Variants in FAM135B observed in about 807,000 individuals in gnomAD.
FAM135B encodes family with sequence similarity 135 member B.
In FAM135B, 43 loss-of-function variants were observed where a neutral mutation model predicts 127.7. The ratio of observed to expected loss-of-function variants is 0.34; its 90% CI spans 0.26 to 0.43. FAM135B has a LOEUF of 0.43. FAM135B is among the 20% of genes least tolerant of loss of function. The pLI is 1.00. For synonymous variants in FAM135B, 670 were observed against 665.1 expected (o/e 1.01, Z -0.11); for missense variants, 1,558 against 1,725.6 (o/e 0.90, Z 1.72).
chr8:138,463,192 G>T (rs1362251716), intron 1 of FAM135B, among the ~76,000 whole-genome samples: 1 of 152,150 alleles, frequency 6.6e-6, no homozygotes, highest in Non-Finnish European at 1.5e-5. Context: ...TAAGCAGGTT[G>T]GAGGAAAGAG....
chr8:138,227,665 A>T (rs1819564387), intron 7 of FAM135B, among the ~76,000 whole-genome samples: 1 of 149,908 alleles, frequency 6.7e-6, no homozygotes, highest in Non-Finnish European at 1.5e-5. Context: ...CACATCCATC[A>T]CATCTAGAAG....
intron 2 of FAM135B, among the ~76,000 whole-genome samples, chr8:138,338,864 T>C (rs963942887): frequency 6.6e-6 from 1 of 152,142 alleles, no homozygotes. Flanking sequence ...CCAACCCAAA[T>C]GTCCAACAAT....
intron 8 of FAM135B, among the ~76,000 whole-genome samples, chr8:138,197,072 CAT>C (rs1263427280): frequency 8.9e-5 from 11 of 123,174 alleles, no homozygotes; most frequent in East Asian, 2.1e-4. Flanking sequence ...TATATGTATG[CAT>C]ATGTGTGTGT....
intron 1 of FAM135B, among the ~76,000 whole-genome samples, chr8:138,411,442 G>A (rs1833858753): frequency 6.6e-6 from 1 of 152,062 alleles, no homozygotes; most frequent in Non-Finnish European, 1.5e-5. Flanking sequence ...TATGTAGAAA[G>A]CTGAAACTGG....
At chr8:138,360,317 A>G (rs904939110) in intron 2 of FAM135B, among the ~76,000 whole-genome samples, 5 of 152,244 alleles carry the variant, frequency 3.3e-5, no homozygotes, top group African/African-American at 9.6e-5. Context: ...TGATTAACAA[A>G]TATCTATGTA....
chr8:138,455,352 C>G (rs889324256), intron 1 of FAM135B, among the ~76,000 whole-genome samples: 1 of 152,136 alleles, frequency 6.6e-6, no homozygotes, highest in African/African-American at 2.4e-5. Flanking sequence ...CCAAATTAAC[C>G]AGGGTTTCAT....
intron 2 of FAM135B, among the ~76,000 whole-genome samples, chr8:138,339,354 ACTAAATATATAT>A (rs1449786133): frequency 6.7e-5 from 2 of 29,828 alleles, no homozygotes; most frequent in East Asian, 9.0e-4. Flanking sequence ...TAAAAAACTA[ACTAAATATATAT>A]ATATATATAT....
At position 138,132,837 on chromosome 8, in the gene FAM135B, A is replaced by T; in HGVS notation, c.4016-39T>A. The T allele has an allele frequency of 6.3e-7, 1 of 1,582,916 alleles. No homozygotes were observed. Among genetic ancestry groups the T allele is most frequent in the Non-Finnish European group, 8.7e-7 (1 of 1,152,450 alleles). ...AAGAAGGACATGAAGCTGGTGCAGA[A>T]ATTAGCAGTGGAATCTAGAGAACAT... On this transcript the variant is annotated intron_variant, in intron 19 of 19. Transcript: ENST00000395297. The surrounding 1 kb of genome is among the most constrained non-coding windows in gnomAD (Gnocchi z 4.5).
chr8:138,132,437 A>G lies in FAM135B; in HGVS notation c.*156T>C. 1 of 651,942 alleles carries G rather than the reference A, an allele frequency of 1.5e-6. No homozygotes were observed. The highest frequency in any genetic ancestry group is 2.7e-6 in the Non-Finnish European group (1 of 372,062). The allele number at this position is 651,942 out of a possible 1,614,324, so 40.4% of individuals were successfully genotyped here. ...TTTGCTCAGCTTTCTCGAATCTCCA[A>G]AACAAAAGCACCTCTCATGTCAGGT... On this transcript the variant is annotated 3_prime_UTR_variant, in exon 20 of 20. Coordinates refer to ENST00000395297, the MANE Select transcript of FAM135B (RefSeq NM_015912.4). The surrounding 1 kb of genome is among the most constrained non-coding windows in gnomAD (Gnocchi z 4.5).
intron 14 of FAM135B, among the ~76,000 whole-genome samples, chr8:138,146,894 C>A (rs1476461718): frequency 2.0e-5 from 3 of 152,088 alleles, no homozygotes; most frequent in Non-Finnish European, 2.9e-5. Context: ...TGTAAATATA[C>A]CCCACAGGTC....
chr8:138,300,159 A>T (rs971953635), intron 3 of FAM135B, among the ~76,000 whole-genome samples: 2 of 152,010 alleles, frequency 1.3e-5, no homozygotes, highest in Non-Finnish European at 2.9e-5. Flanking sequence ...GGTGTATGGA[A>T]TCTCTGTGAG....
intron 1 of FAM135B, among the ~76,000 whole-genome samples, chr8:138,420,945 G>C (rs1389127803): frequency 1.3e-5 from 2 of 152,160 alleles, no homozygotes; most frequent in African/African-American, 4.8e-5. Flanking sequence ...ACACAAGGCT[G>C]CCAAATCTCA....
intron 7 of FAM135B, among the ~76,000 whole-genome samples, chr8:138,213,357 C>A (rs932563412): frequency 2.6e-5 from 4 of 152,098 alleles, no homozygotes; most frequent in African/African-American, 4.8e-5. Flanking sequence ...AGTGTTAATT[C>A]TTTCTATTAA....
chr8:138,486,539 G>A (rs1814991645), intron 1 of FAM135B, among the ~76,000 whole-genome samples: 1 of 152,136 alleles, frequency 6.6e-6, no homozygotes, highest in South Asian at 2.1e-4. Flanking sequence ...CAGCTGACGG[G>A]AGCTGCTTTT....
At chr8:138,459,883 A>C (rs1837025303) in intron 1 of FAM135B, among the ~76,000 whole-genome samples, 1 of 152,144 alleles carries the variant, frequency 6.6e-6, no homozygotes, top group Non-Finnish European at 1.5e-5. Context: ...AGAATGCATC[A>C]GTTTAAATCC....
chr8:138,406,489 A>G (rs948674022), intron 1 of FAM135B, among the ~76,000 whole-genome samples: 4 of 151,552 alleles, frequency 2.6e-5, no homozygotes, highest in African/African-American at 7.3e-5. Flanking sequence ...TCCTTGATGA[A>G]CATTGATGCA....
At chr8:138,456,903 G>A (rs529782066) in intron 1 of FAM135B, among the ~76,000 whole-genome samples, 11 of 151,834 alleles carry the variant, frequency 7.2e-5, no homozygotes, top group South Asian at 4.2e-4. Context: ...GTCATACCCC[G>A]TTCCTCTCAC....
intron 1 of FAM135B, among the ~76,000 whole-genome samples, chr8:138,488,409 G>A (rs1815067292): frequency 1.3e-5 from 2 of 151,242 alleles, no homozygotes; most frequent in African/African-American, 4.9e-5. Flanking sequence ...ATAATGATAT[G>A]ATAATGAATT....
chr8:138,411,490 A>G (rs1833862330), intron 1 of FAM135B, among the ~76,000 whole-genome samples: 1 of 152,174 alleles, frequency 6.6e-6, no homozygotes. Context: ...TCAATTCAAG[A>G]TGGATTAAAG....
Sources: gnomAD v4.1 joint callset for allele counts (sites outside exome capture counted in the v4.1 genomes callset) on GRCh38, gnomAD v4.1.1 for gene constraint, Gnocchi (gnomAD v3.1) non-coding constraint, MANE v1.5 for transcripts, NCBI Gene and HGNC (gene_info 2026-07-23, HGNC 2026-07-21) for gene names.